The following UGT1A5 variants were observed in gnomAD, a reference collection of about 807,000 sequenced individuals.
The protein encoded by UGT1A5 is UDP-glucuronosyltransferase 1A5.
In UGT1A5, 29 loss-of-function variants were observed where a neutral mutation model predicts 40.3. The observed-to-expected ratio is 0.72, with a 90% CI of 0.54 to 0.98. The LOEUF is 0.98. UGT1A5 is among the 50% of genes least tolerant of loss of function. The probability of loss-of-function intolerance (pLI) is 0.00; values close to 1 mark genes in which losing one functional copy is unlikely to be tolerated. For missense variants in UGT1A5, 678 were observed against 677.9 expected, an observed-to-expected ratio of 1.00 and a Z score of 0.00; for synonymous variants, 257 against 262.5, an observed-to-expected ratio of 0.98 and a Z score of 0.20.
At chr2:233,719,170 T>C (rs2076733024) in intron 1 of UGT1A5, 8 of 1,614,246 alleles carry the variant, frequency 5.0e-6, no homozygotes, top group Non-Finnish European at 5.9e-6. Flanking sequence ...ATGGCAATTA[T>C]GAACAATGTA....
chr2:233,742,523 T>A (rs1692010019), intron 1 of UGT1A5, among the ~76,000 whole-genome samples: 1 of 151,942 alleles, frequency 6.6e-6, no homozygotes, highest in Non-Finnish European at 1.5e-5. Context: ...GTCACAGTGC[T>A]GCAGAGATTT....
Position 233,713,545 on chromosome 2 carries a change from C to T in UGT1A5, c.554C>T (p.Thr185Ile), listed in dbSNP as rs754205672. Residue 185 changes from threonine to isoleucine, a missense_variant, in exon 1 of 5, where the codon ACA becomes ATA. Thr to Ile is a moderately conservative substitution (Grantham distance 89, BLOSUM62 -1). Transcript: ENST00000373414. ...CCATGTGATTTAGACTTTAAGGGCA[C>T]ACAGTGTCCAAACCCTTCCTCCTAT... Reference protein sequence around the residue: ...NIPCDLDFKGTQCPNPSSYIP... With the variant: ...NIPCDLDFKGIQCPNPSSYIP... The T allele has an allele frequency of 9.9e-6, 16 of 1,613,878 alleles. No individual in the cohort carries two copies. The highest frequency in any genetic ancestry group is 1.3e-5 in the African/African-American group (1 of 74,918).
At chr2:233,718,845 C>T (rs372864250) in intron 1 of UGT1A5, 6 of 1,613,704 alleles carry the variant, frequency 3.7e-6, no homozygotes, top group Non-Finnish European at 5.1e-6. Flanking sequence ...CCAGGTTCCC[C>T]TGCCGCGGCT....
At chr2:233,729,133 A>G in intron 1 of UGT1A5, 1 of 1,613,236 alleles carries the variant, frequency 6.2e-7, no homozygotes, top group Non-Finnish European at 8.5e-7. Flanking sequence ...TGAGATGGCC[A>G]CAGGACTCCA....
chr2:233,737,416 C>T (rs1321045619), intron 1 of UGT1A5, among the ~76,000 whole-genome samples: 5 of 152,210 alleles, frequency 3.3e-5, no homozygotes, highest in Non-Finnish European at 7.3e-5. Context: ...TTGGGAAAAG[C>T]ACAGTATTTG....
At chr2:233,770,330 A>G (rs757778787) in intron 4 of UGT1A5, 1 of 152,126 alleles carries the variant, frequency 6.6e-6, no homozygotes, top group East Asian at 1.9e-4. Flanking sequence ...ACCAGGCCAT[A>G]ATAGGTGCTC....
At chr2:233,729,013 C>T (rs1190048509) in intron 1 of UGT1A5, 1 of 1,586,394 alleles carries the variant, frequency 6.3e-7, no homozygotes, top group Non-Finnish European at 8.6e-7. Context: ...CTCTGTCTTC[C>T]AATTACACGT....
chr2:233,761,165 T>A (rs1323342436), intron 1 of UGT1A5: 1 of 1,614,204 alleles, frequency 6.2e-7, no homozygotes, highest in Non-Finnish European at 8.5e-7. Context: ...TGTATTGGAG[T>A]GGGACTTTTA....
intron 4 of UGT1A5, 99 bp downstream of exon 4, chr2:233,768,538 C>T: frequency 1.5e-6 from 2 of 1,345,412 alleles, no homozygotes; most frequent in South Asian, 1.4e-5. Context: ...AGCGTTGTTT[C>T]AAATATAAAA....
intron 1 of UGT1A5, among the ~76,000 whole-genome samples, chr2:233,724,861 A>T (rs2077325347): frequency 7.8e-6 from 1 of 128,420 alleles, no homozygotes; most frequent in African/African-American, 3.4e-5. Context: ...TGGGAGGTGT[A>T]GGTTGTAGTG....
chr2:233,724,510 A>G (rs868470469), intron 1 of UGT1A5, among the ~76,000 whole-genome samples: 2,447 of 111,674 alleles, frequency 0.022, 174 homozygotes, highest in African/African-American at 0.087. Context: ...GACGCTCCTC[A>G]CCTCCCAGAT....
chr2:233,749,355 G>C (rs1054552103), intron 1 of UGT1A5, among the ~76,000 whole-genome samples: 3 of 151,804 alleles, frequency 2.0e-5, no homozygotes, highest in African/African-American at 4.9e-5. Flanking sequence ...AATTTAAATA[G>C]TGACTCTTGC....
chr2:233,727,191 G>A (rs764445830), intron 1 of UGT1A5, among the ~76,000 whole-genome samples: 4 of 152,118 alleles, frequency 2.6e-5, no homozygotes, highest in Non-Finnish European at 4.4e-5. Context: ...CTTTGCTGGG[G>A]TGACCTCACT....
chr2:233,768,093 C>G (rs1004945846), intron 3 of UGT1A5, 127 bp from the exon 4 acceptor site: 31 of 1,591,334 alleles, frequency 1.9e-5, no homozygotes, highest in Non-Finnish European at 2.5e-5. Context: ...CCCACATTTT[C>G]TTCTGCAAAT....
rs1341350093 is a variant in UGT1A5, at chr2:233,769,045, A to G, written c.1307+606A>G. ...AGTTGCCATAATAGACATCTGATCC[A>G]TAAGTTTCCTGCACAGAAAGAAATA... On this transcript the variant is annotated intron_variant, in intron 4 of 4. Transcript: ENST00000373414. This position sits in a 1 kb window ranked among gnomAD's most constrained non-coding sequence, Gnocchi z 4.4. Among the ~76,000 whole-genome samples, 2 of 152,222 alleles carry G rather than the reference A, an allele frequency of 1.3e-5. No homozygotes were observed. Among genetic ancestry groups the G allele is most frequent in the African/African-American group, 2.4e-5 (1 of 41,450 alleles).
At chr2:233,728,575 A>G (rs1420675714) in intron 1 of UGT1A5, among the ~76,000 whole-genome samples, 5 of 152,224 alleles carry the variant, frequency 3.3e-5, no homozygotes, top group Non-Finnish European at 7.3e-5. Context: ...TCCTGGTGCG[A>G]AAAACGACCA....
chr2:233,767,739 GT>G, intron 2 of UGT1A5, 109 bp from the exon 3 acceptor site: 1 of 1,578,058 alleles, frequency 6.3e-7, no homozygotes, highest in Non-Finnish European at 8.6e-7. Flanking sequence ...CTCCCACTCT[GT>G]TAAAGACTGT....
At chr2:233,715,759 G>T (rs893076228) in intron 1 of UGT1A5, among the ~76,000 whole-genome samples, 2 of 152,150 alleles carry the variant, frequency 1.3e-5, no homozygotes, top group African/African-American at 4.8e-5. Context: ...GTGACAGAGC[G>T]AGGACCCATC....
chr2:233,719,934 T>C (rs747645753), intron 1 of UGT1A5, among the ~76,000 whole-genome samples: 3 of 152,106 alleles, frequency 2.0e-5, no homozygotes, highest in African/African-American at 7.2e-5. Context: ...CGGACAGTGT[T>C]TGTAAAGGCA....
Sources: gnomAD v4.1 joint callset for allele counts (sites outside exome capture counted in the v4.1 genomes callset) on GRCh38, gnomAD v4.1.1 for gene constraint, Gnocchi (gnomAD v3.1) non-coding constraint, MANE v1.5 for transcripts, NCBI Gene and HGNC (gene_info 2026-07-23, HGNC 2026-07-21) for gene names.